ERICH5: variants seen among roughly 807,000 people sequenced by gnomAD.
The protein encoded by ERICH5 is glutamate rich 5.
ERICH5 carries 24 observed loss-of-function variants against 28.0 expected under a neutral mutation model. That is an observed-to-expected ratio of 0.86 (90% CI 0.62 to 1.21). ERICH5 has a LOEUF of 1.21. Among genes scored for constraint, ERICH5 ranks in the 50% most tolerant of loss-of-function variants. ERICH5 has a pLI of 0.00. For synonymous variants in ERICH5, 163 were observed against 157.6 expected (o/e 1.03, Z -0.25); for missense variants, 421 against 441.2 (o/e 0.95, Z 0.41).
At chr8:98,078,396 C>G (rs1181484261) in intron 1 of ERICH5, among the ~76,000 whole-genome samples, 1 of 152,102 alleles carries the variant, frequency 6.6e-6, no homozygotes, top group African/African-American at 2.4e-5. Flanking sequence ...ATGATGACAG[C>G]AAGGAAAAAC....
At chr8:98,072,520 C>G (rs1439201272) in intron 1 of ERICH5, among the ~76,000 whole-genome samples, 2 of 152,116 alleles carry the variant, frequency 1.3e-5, no homozygotes, top group Non-Finnish European at 2.9e-5. Context: ...CGCTTGTTGT[C>G]CCAGCTACTC....
At chr8:98,072,909 C>T (rs1176756827) in intron 1 of ERICH5, among the ~76,000 whole-genome samples, 1 of 151,494 alleles carries the variant, frequency 6.6e-6, no homozygotes, top group Non-Finnish European at 1.5e-5. Context: ...TGCCTCTTCC[C>T]ATTTTCTCAA....
chr8:98,065,256 C>T (rs1287681881), intron 1 of ERICH5, among the ~76,000 whole-genome samples: 1 of 152,180 alleles, frequency 6.6e-6, no homozygotes, highest in Non-Finnish European at 1.5e-5. Context: ...AAAGACTTTT[C>T]CCCATTTACC....
intron 1 of ERICH5, among the ~76,000 whole-genome samples, chr8:98,073,430 CTCTATATA>C (rs1394338765): frequency 5.5e-5 from 1 of 18,310 alleles, no homozygotes; most frequent in Non-Finnish European, 8.7e-5. Flanking sequence ...CTCTCTCTCT[CTCTATATA>C]TATATATATA....
At chr8:98,075,602 A>G (rs1212195005) in intron 1 of ERICH5, among the ~76,000 whole-genome samples, 1 of 150,920 alleles carries the variant, frequency 6.6e-6, no homozygotes, top group African/African-American at 2.5e-5. Context: ...AAGACCTTAG[A>G]TCTTTCTCCT....
intron 1 of ERICH5, among the ~76,000 whole-genome samples, chr8:98,085,773 T>C (rs935092942): frequency 6.6e-6 from 1 of 152,246 alleles, no homozygotes; most frequent in African/African-American, 2.4e-5. Flanking sequence ...CCAGCCGCAC[T>C]ATCCTTTCCT....
At chr8:98,077,355 T>C (rs1815076370) in intron 1 of ERICH5, among the ~76,000 whole-genome samples, 1 of 152,178 alleles carries the variant, frequency 6.6e-6, no homozygotes, top group South Asian at 2.1e-4. Flanking sequence ...TTCAGTGAGA[T>C]GGCTTTGATT....
At chr8:98,084,614 C>A (rs141899879) in intron 1 of ERICH5, among the ~76,000 whole-genome samples, 1 of 152,080 alleles carries the variant, frequency 6.6e-6, no homozygotes, top group African/African-American at 2.4e-5. Context: ...CTCCGGACCT[C>A]AGGTGATCCA....
In ERICH5 at chr8:98,091,900, C is replaced by CTTTTT; in HGVS notation, c.1013-1321_1013-1320insTTTTT. Among the ~76,000 whole-genome samples the CTTTTT allele has an allele frequency of 3.1e-3, 230 of 74,704 alleles. 8 individuals carry two copies. Among genetic ancestry groups the CTTTTT allele is most frequent in the African/African-American group, 0.012 (221 of 17,838 alleles). The allele number at this position is 74,704 out of a possible 152,430, so 49.0% of individuals were successfully genotyped here. A position where few individuals can be genotyped will look rare whatever the true frequency, so the allele number is the denominator to read the frequency against. On this transcript the variant is annotated intron_variant, in intron 2 of 2. Coordinates refer to ENST00000318528, the MANE Select transcript of ERICH5 (RefSeq NM_173549.3). ...TCTTTCTTTCTTTCTTTCTTTCTTT[C>CTTTTT]CTTTCTTTCTTTCTTTCTTCCTTTC...
At chr8:98,078,345 A>C (rs762623228) in intron 1 of ERICH5, among the ~76,000 whole-genome samples, 1 of 152,238 alleles carries the variant, frequency 6.6e-6, no homozygotes, top group South Asian at 2.1e-4. Flanking sequence ...CTCGTGCTAC[A>C]TTCTTGGTTC....
rs571223248 is a variant in ERICH5 at position 98,072,586 on chromosome 8, C to T, written c.58+7859C>T. On this transcript the variant is annotated intron_variant, in intron 1 of 2. Transcript: ENST00000318528. ...CTGGGAGGTAGAGGTTGCAGTGAAC[C>T]GAGGTTGTGCCACTGCACTGCAGCC... is the stretch of plus-strand genomic sequence containing the variant. Among the ~76,000 whole-genome samples the T allele has an allele frequency of 4.6e-5, 7 of 152,172 alleles. No individual in the cohort carries two copies. The South Asian group carries it at 1.0e-3, about 23-fold the overall frequency.
rs1212019048 is a variant in ERICH5 at position 98,089,828 on chromosome 8, T to C, written c.811T>C (p.Leu271=). The change falls in exon 2 of 3, where the codon TTG becomes CTG. Residue 271 remains leucine (L), a synonymous_variant. Transcript: ENST00000318528. ...CAAAGAGAATGTAACACCAGAAGTA[T>C]TGGACAGAAGTCAGCTTGTGGAAAA... The part of the protein sequence containing the change: ...IPKENVTPEV[L]DRSQLVEKPV... The C allele has an allele frequency of 1.2e-6, 2 of 1,614,150 alleles. No homozygotes were observed. The highest frequency in any genetic ancestry group is 2.2e-5 in the East Asian group (1 of 44,892).
chr8:98,073,875 C>G (rs564963500), intron 1 of ERICH5, among the ~76,000 whole-genome samples: 68 of 149,606 alleles, frequency 4.5e-4, no homozygotes, highest in African/African-American at 1.6e-3. Context: ...GTTCTAGATC[C>G]CTGAGTTTGT....
intron 1 of ERICH5, among the ~76,000 whole-genome samples, chr8:98,073,061 T>C (rs1814949455): frequency 1.3e-5 from 2 of 152,008 alleles, no homozygotes; most frequent in African/African-American, 4.8e-5. Context: ...GGGTATGAAG[T>C]TCAACATTTC....
intron 1 of ERICH5, among the ~76,000 whole-genome samples, chr8:98,076,818 G>GA (rs34007656): frequency 0.34 from 51,486 of 150,618 alleles, 9,386 homozygotes; most frequent in East Asian, 0.62. Flanking sequence ...ATTCAGCATT[G>GA]AAAAAAAAAA....
At chr8:98,065,409 A>ATG (rs1450386911) in intron 1 of ERICH5, among the ~76,000 whole-genome samples, 1 of 152,194 alleles carries the variant, frequency 6.6e-6, no homozygotes, top group African/African-American at 2.4e-5. Context: ...GTTGAGAAGT[A>ATG]TGTGTGATCA....
chr8:98,091,880 CTTTCTTTCTTTCTTTCT>C (rs1815399072), intron 2 of ERICH5, among the ~76,000 whole-genome samples: 1 of 94,434 alleles, frequency 1.1e-5, no homozygotes, highest in African/African-American at 4.2e-5. Context: ...TTCTTTCTTT[CTTTCTTTCTTTCTTTCT>C]TTCCTTTCTT....
chr8:98,070,616 C>T (rs754528803), intron 1 of ERICH5, among the ~76,000 whole-genome samples: 7 of 127,258 alleles, frequency 5.5e-5, no homozygotes, highest in Admixed American at 2.8e-4. Context: ...GCCAAGATCG[C>T]GCCATTGCAC....
At chr8:98,076,770 C>T (rs10087420) in intron 1 of ERICH5, among the ~76,000 whole-genome samples, 3,256 of 151,954 alleles carry the variant, frequency 0.021, 123 homozygotes, top group African/African-American at 0.074. Context: ...TGTTAAAATA[C>T]AGAAGAATCT....
Sources: allele counts gnomAD v4.1 joint callset (sites outside exome capture counted in the v4.1 genomes callset), GRCh38; gene constraint gnomAD v4.1.1; transcripts MANE v1.5; gene names NCBI Gene and HGNC (gene_info 2026-07-23, HGNC 2026-07-21).